MCF2L: variants seen among roughly 807,000 people sequenced by gnomAD.
MCF2L encodes the protein guanine nucleotide exchange factor DBS.
Under a neutral mutation model 153.4 loss-of-function variants are expected in MCF2L, and 97 were observed. The observed-to-expected ratio is 0.63, with a 90% CI of 0.54 to 0.75. MCF2L has a LOEUF of 0.75. Ranked by LOEUF, MCF2L falls within the 30% of genes least tolerant of loss-of-function variation. MCF2L has a pLI of 0.00. For synonymous variants in MCF2L, 659 were observed against 632.2 expected, an observed-to-expected ratio of 1.04 and a Z score of -0.64; for missense variants, 1,347 against 1,495.2, an observed-to-expected ratio of 0.90 and a Z score of 1.64.
At chr13:112,981,493 G>A (rs182115349) in intron 1 of MCF2L, among the ~76,000 whole-genome samples, 56 of 152,310 alleles carry the variant, frequency 3.7e-4, no homozygotes, top group Non-Finnish European at 5.4e-4. Flanking sequence ...ATGTGAGGGC[G>A]GTGAGACACC....
chr13:113,012,022 A>G lies in MCF2L; in HGVS notation c.80-2741A>G, dbSNP rs2084167806. 4.5e-5 allele frequency among the ~76,000 whole-genome samples: 5 copies of G among 110,222 alleles called. 1 individual carries two copies. Among genetic ancestry groups the G allele is most frequent in the Admixed American group, 4.5e-4 (5 of 11,066 alleles). The allele number at this position is 110,222 out of a possible 152,430, so 72.3% of individuals were successfully genotyped here. The stretch of plus-strand genomic sequence containing the variant: ...GAGGACGGTGGACACTGCGATGAGG[A>G]CAGTGGACAGGTGGTGTGGACGGTG... On this transcript the variant is annotated intron_variant, in intron 1 of 29. Coordinates refer to ENST00000535094, the MANE Select transcript of MCF2L (RefSeq NM_001112732.3).
At chr13:113,086,589 G>T (rs2034658272) in intron 21 of MCF2L, among the ~76,000 whole-genome samples, 1 of 152,190 alleles carries the variant, frequency 6.6e-6, no homozygotes, top group Non-Finnish European at 1.5e-5. Context: ...GAGCAGACGT[G>T]ACTTCTGTTT....
intron 2 of MCF2L, among the ~76,000 whole-genome samples, chr13:113,023,945 T>TA (rs1293754420): frequency 6.6e-6 from 1 of 152,218 alleles, no homozygotes; most frequent in Non-Finnish European, 1.5e-5. Flanking sequence ...GCTGCAGTGT[T>TA]CTGAGTCCCA....
intron 1 of MCF2L, among the ~76,000 whole-genome samples, chr13:112,995,345 C>A (rs1009380200): frequency 2.6e-5 from 4 of 152,214 alleles, no homozygotes; most frequent in African/African-American, 9.7e-5. Flanking sequence ...GAAAGAGGGT[C>A]CATTTGAGAG....
intron 1 of MCF2L, among the ~76,000 whole-genome samples, chr13:112,971,648 T>A (rs1363532315): frequency 3.3e-5 from 5 of 152,238 alleles, no homozygotes; most frequent in African/African-American, 1.2e-4. Context: ...GCTAGGCTAA[T>A]CTGCATGTAA....
chr13:113,065,901 A>G, intron 7 of MCF2L, 145 bp from the exon 8 acceptor site: 1 of 836,818 alleles, frequency 1.2e-6, no homozygotes, highest in South Asian at 2.0e-5. Context: ...GACCCCACAG[A>G]AGAGACTGGG....
chr13:112,996,237 T>C (rs1361095394), intron 1 of MCF2L, among the ~76,000 whole-genome samples: 1 of 152,190 alleles, frequency 6.6e-6, no homozygotes, highest in African/African-American at 2.4e-5. Context: ...GGAGGACCAC[T>C]TGAGCTCCGG....
intron 2 of MCF2L, among the ~76,000 whole-genome samples, chr13:112,921,979 A>G (rs1358169465): frequency 1.3e-5 from 2 of 152,230 alleles, no homozygotes; most frequent in Non-Finnish European, 2.9e-5. Flanking sequence ...AGTAGATAAA[A>G]GCAGAAAATA....
rs1256876700 is a variant in MCF2L at position 113,081,198 on chromosome 13, A to G, written c.1809-15A>G. 1.3e-6 allele frequency: 2 copies of G among 1,573,760 alleles called. No homozygotes were observed. The highest frequency in any genetic ancestry group is 8.6e-7 in the Non-Finnish European group (1 of 1,159,484). ...AGTGCTAACCTTTTTTGCTCTCCAC[A>G]TGACCTGCCACCAGGCACGTGATGA... On this transcript the variant is annotated splice_polypyrimidine_tract_variant and intron_variant, in intron 15 of 29. Coordinates refer to ENST00000535094, the MANE Select transcript of MCF2L (RefSeq NM_001112732.3).
chr13:113,037,232 A>G (rs76623552), intron 3 of MCF2L, among the ~76,000 whole-genome samples: 11,248 of 152,268 alleles, frequency 0.074, 498 homozygotes, highest in East Asian at 0.18. Context: ...GATGATGATA[A>G]CGACCACGAT....
intron 15 of MCF2L, among the ~76,000 whole-genome samples, chr13:113,079,575 C>T (rs551058080): frequency 2.0e-5 from 3 of 152,322 alleles, no homozygotes; most frequent in Admixed American, 2.0e-4. Context: ...CAGGTGTCCG[C>T]AGGCAGCGCC....
chr13:113,056,719 TGCTGAGTGGGTGCTGAGTGTTTCGGC>T (rs2029908277), intron 4 of MCF2L, among the ~76,000 whole-genome samples: 1 of 121,792 alleles, frequency 8.2e-6, no homozygotes. Context: ...TGTGTTTGGG[TGCTGAGTGGGTGCTGAGTGTTTCGGC>T]GCTGAGTGGG....
chr13:112,988,242 T>C (rs1356526813), intron 1 of MCF2L, among the ~76,000 whole-genome samples: 5 of 152,012 alleles, frequency 3.3e-5, no homozygotes, highest in Admixed American at 6.5e-5. Context: ...CTACTGTGTT[T>C]TTTTTTTTTA....
intron 1 of MCF2L, among the ~76,000 whole-genome samples, chr13:112,977,788 C>T (rs1184240034): frequency 6.6e-6 from 1 of 152,202 alleles, no homozygotes; most frequent in Non-Finnish European, 1.5e-5. Context: ...CTGCGTCTGT[C>T]CTTGTGGATG....
chr13:112,944,627 A>G (rs1437721108), intron 2 of MCF2L, among the ~76,000 whole-genome samples: 2 of 144,074 alleles, frequency 1.4e-5, no homozygotes, highest in Non-Finnish European at 3.0e-5. Flanking sequence ...GCTGGAGTGC[A>G]GTGGCGCAAC....
intron 21 of MCF2L, 122 bp downstream of exon 21, chr13:113,086,371 G>C: frequency 7.1e-7 from 1 of 1,399,058 alleles, no homozygotes; most frequent in Middle Eastern, 1.9e-4. Context: ...CTGGGCAGGA[G>C]GTCTGGGGTG....
chr13:113,078,633 G>T lies in MCF2L; in HGVS notation c.1735-33G>T, dbSNP rs112170393. The T allele has an allele frequency of 1.6e-3, 2,629 of 1,597,606 alleles. 38 individuals are homozygous for T. The African/African-American group carries it at 0.031, about 19-fold the overall frequency. Reference sequence around the variant, plus strand: ...GAGTTGGCCCTTGAGGTTCCGTCCCGCCTTTCAGACCTGACGCTGTTTTTC... The same window carrying T: ...GAGTTGGCCCTTGAGGTTCCGTCCCTCCTTTCAGACCTGACGCTGTTTTTC... On this transcript the variant is annotated intron_variant, in intron 14 of 29. Transcript: ENST00000535094.
At chr13:112,894,639 G>C (rs1238365458) in intron 1 of MCF2L, among the ~76,000 whole-genome samples, 4 of 152,118 alleles carry the variant, frequency 2.6e-5, no homozygotes, top group Non-Finnish European at 5.9e-5. Flanking sequence ...AGCGTCCTGC[G>C]CTGGGAACTT....
intron 1 of MCF2L, among the ~76,000 whole-genome samples, chr13:113,012,694 T>C (rs1198488481): frequency 7.9e-5 from 5 of 63,610 alleles, no homozygotes; most frequent in Admixed American, 3.5e-4. Context: ...CACTGCAGTG[T>C]GGATGGTGGA....
Sources: gnomAD v4.1 joint callset for allele counts (sites outside exome capture counted in the v4.1 genomes callset) on GRCh38, gnomAD v4.1.1 for gene constraint, MANE v1.5 for transcripts, NCBI Gene and HGNC (gene_info 2026-07-23, HGNC 2026-07-21) for gene names.